The following MIR2052HG variants were observed in gnomAD, a reference collection of about 807,000 sequenced individuals.
MIR2052HG encodes MIR2052 host gene.
intron 2 of MIR2052HG, among the ~76,000 whole-genome samples, chr8:74,651,048 A>C (rs1373963433): frequency 1.3e-5 from 2 of 152,078 alleles, no homozygotes; most frequent in African/African-American, 4.8e-5. Context: ...CTTTCTGGTT[A>C]ATAGACTTGG....
At chr8:74,691,529 C>T (rs1039864565) in intron 2 of MIR2052HG, among the ~76,000 whole-genome samples, 1 of 152,136 alleles carries the variant, frequency 6.6e-6, no homozygotes, top group Admixed American at 6.5e-5. Flanking sequence ...TTTTCTGCAA[C>T]TAGGGGCAAT....
intron 1 of MIR2052HG, among the ~76,000 whole-genome samples, chr8:74,605,174 A>G (rs1808093332): frequency 6.6e-6 from 1 of 152,116 alleles, no homozygotes; most frequent in Non-Finnish European, 1.5e-5. Context: ...CTCATCAAAG[A>G]TGCAGAGTCT....
intron 2 of MIR2052HG, among the ~76,000 whole-genome samples, chr8:74,648,686 TAGAA>T (rs1475576071): frequency 2.6e-5 from 4 of 152,064 alleles, no homozygotes; most frequent in Non-Finnish European, 5.9e-5. Flanking sequence ...TTAGGGAAAA[TAGAA>T]AGAACCTACA....
At chr8:74,742,832 C>A (rs1809845201) in intron 4 of MIR2052HG, among the ~76,000 whole-genome samples, 1 of 152,132 alleles carries the variant, frequency 6.6e-6, no homozygotes, top group African/African-American at 2.4e-5. Flanking sequence ...TGGTTGAACT[C>A]ATGACATTTA....
chr8:74,691,890 T>C (rs1417328681), intron 2 of MIR2052HG, among the ~76,000 whole-genome samples: 1 of 152,196 alleles, frequency 6.6e-6, no homozygotes, highest in African/African-American at 2.4e-5. Context: ...CCATTAGTTA[T>C]ATTTTTATTT....
At chr8:74,688,412 T>TA (rs1809205427) in intron 2 of MIR2052HG, among the ~76,000 whole-genome samples, 1 of 152,188 alleles carries the variant, frequency 6.6e-6, no homozygotes, top group African/African-American at 2.4e-5. Flanking sequence ...TCATTTAATG[T>TA]AAAAGATATA....
Position 74,611,224 on chromosome 8 carries a change from T to A in MIR2052HG, n.129-1629T>A, listed in dbSNP as rs75848159. Among the ~76,000 whole-genome samples the A allele has an allele frequency of 4.8e-3, 724 of 152,112 alleles. 6 individuals are homozygous for A. Among genetic ancestry groups the A allele is most frequent in the African/African-American group, 0.017 (687 of 41,530 alleles). ...AATAAGCACATTAAAACACTAAACA[T>A]CAATTTTTCATTAGGGAAATGGAAA... On this transcript the variant is annotated intron_variant and non_coding_transcript_variant, in intron 1 of 6. Coordinates refer to ENST00000523442, the Ensembl canonical transcript of MIR2052HG.
intron 3 of MIR2052HG, among the ~76,000 whole-genome samples, chr8:74,703,202 C>T (rs1318463885): frequency 6.6e-6 from 1 of 151,982 alleles, no homozygotes; most frequent in African/African-American, 2.4e-5. Context: ...TGATGGTGAC[C>T]AAATCTTGTG....
intron 1 of MIR2052HG, among the ~76,000 whole-genome samples, chr8:74,611,076 C>T (rs1173750802): frequency 6.6e-6 from 1 of 151,900 alleles, no homozygotes; most frequent in East Asian, 1.9e-4. Context: ...ATTTGCAAAT[C>T]ATATATCTGA....
chr8:74,713,518 T>G (rs945337707), intron 4 of MIR2052HG, among the ~76,000 whole-genome samples: 2 of 152,138 alleles, frequency 1.3e-5, no homozygotes, highest in African/African-American at 4.8e-5. Flanking sequence ...TTCATTTCTT[T>G]CCTTTTCATT....
intron 4 of MIR2052HG, chr8:74,705,832 GA>G (rs1448952374): frequency 5.9e-6 from 1 of 168,130 alleles, no homozygotes; most frequent in Admixed American, 6.6e-5. Context: ...ATATATTTAC[GA>G]TAAAACTAGG....
intron 2 of MIR2052HG, among the ~76,000 whole-genome samples, chr8:74,673,787 C>A (rs1419912894): frequency 6.6e-6 from 1 of 151,022 alleles, no homozygotes; most frequent in East Asian, 1.9e-4. Context: ...TCTTTATCTT[C>A]TACAGTGTCT....
At chr8:74,717,356 A>G (rs1474659026) in intron 4 of MIR2052HG, among the ~76,000 whole-genome samples, 4 of 152,096 alleles carry the variant, frequency 2.6e-5, no homozygotes, top group African/African-American at 4.8e-5. Flanking sequence ...TTATGGCTGC[A>G]TAGTATTCCA....
At position 74,726,148 on chromosome 8, in the gene MIR2052HG, G is replaced by A. The variant is rs144021022; in HGVS notation, n.371+22466G>A. Among the ~76,000 whole-genome samples, 709 of 152,134 alleles carry A rather than the reference G, an allele frequency of 4.7e-3. 5 individuals are homozygous for A. The highest frequency in any genetic ancestry group is 0.016 in the African/African-American group (666 of 41,510). ...GCGGAGGTTGCAGTGAGCCAAAATC[G>A]CGCCATTGCACTCCAGCCTGGGCGA... On this transcript the variant is annotated intron_variant and non_coding_transcript_variant, in intron 4 of 6. Coordinates refer to ENST00000523442, the Ensembl canonical transcript of MIR2052HG.
intron 4 of MIR2052HG, among the ~76,000 whole-genome samples, chr8:74,725,110 C>T (rs372933605): frequency 6.6e-6 from 1 of 152,122 alleles, no homozygotes; most frequent in African/African-American, 2.4e-5. Context: ...CTTGCTCAAA[C>T]TCCAGAGAGT....
At chr8:74,733,089 T>TA (rs71271823) in intron 4 of MIR2052HG, among the ~76,000 whole-genome samples, 9 of 150,804 alleles carry the variant, frequency 6.0e-5, no homozygotes, top group Non-Finnish European at 8.8e-5. Flanking sequence ...TTTATTTATT[T>TA]TATTATTATA....
intron 2 of MIR2052HG, among the ~76,000 whole-genome samples, chr8:74,693,307 T>C (rs1456904781): frequency 2.0e-5 from 3 of 152,202 alleles, no homozygotes; most frequent in Admixed American, 6.5e-5. Flanking sequence ...TTTTTGACTT[T>C]GTCTCACAGG....
At chr8:74,740,018 A>C (rs551746951) in intron 4 of MIR2052HG, among the ~76,000 whole-genome samples, 1 of 152,348 alleles carries the variant, frequency 6.6e-6, no homozygotes, top group South Asian at 2.1e-4. Context: ...AAAATAATTT[A>C]ACAAATGCAC....
At chr8:74,613,808 C>T (rs571004085) in intron 2 of MIR2052HG, among the ~76,000 whole-genome samples, 8 of 152,216 alleles carry the variant, frequency 5.3e-5, no homozygotes, top group African/African-American at 1.9e-4. Flanking sequence ...AATTTTTAAG[C>T]CATTATCAGG....
Sources: gnomAD v4.1 joint callset for allele counts (sites outside exome capture counted in the v4.1 genomes callset) on GRCh38, gnomAD v4.1.1 for gene constraint, MANE v1.5 for transcripts, NCBI Gene and HGNC (gene_info 2026-07-23, HGNC 2026-07-21) for gene names.